The following STIM1 variants were observed in gnomAD, a reference collection of about 807,000 sequenced individuals.
STIM1 encodes stromal interaction molecule 1.
STIM1 carries 25 observed loss-of-function variants against 74.7 expected under a neutral mutation model. That is an observed-to-expected ratio of 0.33 (90% confidence interval 0.24 to 0.47). STIM1 has a LOEUF of 0.47. Ranked by LOEUF, STIM1 falls within the 20% of genes least tolerant of loss-of-function variation. STIM1 has a pLI of 1.00. For missense variants in STIM1, 728 were observed against 920.8 expected, an observed-to-expected ratio of 0.79 and a Z score of 2.71; for synonymous variants, 328 against 348.8, an observed-to-expected ratio of 0.94 and a Z score of 0.66.
At chr11:4,076,689 T>C (rs912213620) in intron 7 of STIM1, among the ~76,000 whole-genome samples, 1 of 151,622 alleles carries the variant, frequency 6.6e-6, no homozygotes, top group Admixed American at 6.6e-5. Context: ...CTTTGTTTTT[T>C]TTCCCCCAAG....
intron 12 of STIM1, among the ~76,000 whole-genome samples, chr11:4,089,362 CCTCAG>C (rs1299875737): frequency 1.3e-5 from 2 of 152,188 alleles, no homozygotes; most frequent in African/African-American, 4.8e-5. Flanking sequence ...ATCTTCACTT[CCTCAG>C]CTTAGAGGAC....
Position 3,912,226 on chromosome 11 carries a change from C to G in STIM1, c.140-55326C>G, listed in dbSNP as rs186663641. Among the ~76,000 whole-genome samples, 348 of 122,528 alleles carry G rather than the reference C, an allele frequency of 2.8e-3. 3 individuals carry two copies. The South Asian group carries it at 0.036, about 13-fold the overall frequency. The allele number at this position is 122,528 out of a possible 152,430, so 80.4% of individuals were successfully genotyped here. ...CCCTACCTTCTCCCCTCCCTTCTCCCCTCCCCTCCCTTATCCCCTCCCTTC... is the reference window on the plus strand; with the variant it reads ...CCCTACCTTCTCCCCTCCCTTCTCCGCTCCCCTCCCTTATCCCCTCCCTTC... On this transcript the variant is annotated intron_variant, in intron 1 of 12. Coordinates refer to ENST00000526596, the MANE Select transcript of STIM1 (RefSeq NM_001382567.1).
chr11:3,908,427 C>T (rs1229129937), intron 1 of STIM1, among the ~76,000 whole-genome samples: 1 of 151,874 alleles, frequency 6.6e-6, no homozygotes, highest in African/African-American at 2.4e-5. Context: ...CCTGGCTAAC[C>T]CGGTGAAACC....
rs2094523397 is a variant in STIM1 at position 4,091,322 on chromosome 11, A to G, written c.1675A>G (p.Ser559Gly). The G allele has an allele frequency of 6.2e-7, 1 of 1,614,084 alleles. No homozygotes were observed. ...HSDSESSLHM[S>G]DRQRVAPKPP... is the part of the protein sequence containing the mutation. Reference sequence around the variant, plus strand: ...CGATTCGGAGTCCTCCCTCCACATGAGTGACCGCCAGCGTGTGGCCCCCAA... The same window carrying G: ...CGATTCGGAGTCCTCCCTCCACATGGGTGACCGCCAGCGTGTGGCCCCCAA... Residue 559 changes from serine (S) to glycine (G), a missense_variant, in exon 13 of 13, where the codon AGT becomes GGT. Transcript: ENST00000526596.
intron 1 of STIM1, among the ~76,000 whole-genome samples, chr11:3,859,133 A>G (rs189048427): frequency 2.0e-5 from 3 of 152,274 alleles, no homozygotes; most frequent in African/African-American, 4.8e-5. Flanking sequence ...TTTTGGATGT[A>G]TATACCCATC....
intron 2 of STIM1, among the ~76,000 whole-genome samples, chr11:3,994,861 A>G (rs538397421): frequency 5.3e-5 from 8 of 152,096 alleles, no homozygotes; most frequent in African/African-American, 1.7e-4. Flanking sequence ...TTAGGATTGT[A>G]TAATCTCTAT....
intron 3 of STIM1, among the ~76,000 whole-genome samples, chr11:4,035,266 G>GTTTTTTTTTT (rs55788240): frequency 1.5e-5 from 2 of 136,616 alleles, no homozygotes. Flanking sequence ...GGTGTATTGT[G>GTTTTTTTTTT]TTTTTTTTTT....
intron 1 of STIM1, among the ~76,000 whole-genome samples, chr11:3,964,051 G>A (rs1590605847): frequency 6.6e-6 from 1 of 152,234 alleles, no homozygotes; most frequent in African/African-American, 2.4e-5. Flanking sequence ...TTTTTAAAAA[G>A]TCTGTGCAGC....
intron 1 of STIM1, among the ~76,000 whole-genome samples, chr11:3,938,775 A>AGGCAGAGGTTGCAGTGAGC (rs1356975706): frequency 6.6e-6 from 1 of 152,146 alleles, no homozygotes; most frequent in Non-Finnish European, 1.5e-5. Context: ...TGAACCCGGG[A>AGGCAGAGGTTGCAGTGAGC]GGCAGAGGTT....
At chr11:4,014,999 A>T (rs1179707788) in intron 2 of STIM1, among the ~76,000 whole-genome samples, 1 of 152,164 alleles carries the variant, frequency 6.6e-6, no homozygotes, top group Non-Finnish European at 1.5e-5. Flanking sequence ...TTGACTCTTT[A>T]TCCAATTTAC....
At chr11:4,001,782 A>G (rs1445598389) in intron 2 of STIM1, among the ~76,000 whole-genome samples, 11 of 148,682 alleles carry the variant, frequency 7.4e-5, no homozygotes. Flanking sequence ...ATTAAAAGAC[A>G]CAGACTGGCA....
At chr11:4,036,759 T>G (rs112146226) in intron 3 of STIM1, among the ~76,000 whole-genome samples, 1 of 152,204 alleles carries the variant, frequency 6.6e-6, no homozygotes, top group Admixed American at 6.5e-5. Flanking sequence ...ATATTAGACC[T>G]TTGTCAGATG....
rs764275626 is a variant in STIM1, at chr11:4,055,533, T to C, written c.393T>C (p.Asn131=). The change falls in exon 4 of 13, where the codon AAT becomes AAC. Residue 131 remains asparagine (N), a synonymous_variant. Transcript: ENST00000526596. ...WKAWKSSEVY[N]WTVDEVVQWL... ...GCTTGTCTCTTTTCACAGTATACAA[T>C]TGGACCGTGGATGAGGTGGTACAGT... 1.8e-5 allele frequency: 28 copies of C among 1,595,802 alleles called. No individual in the cohort carries two copies. In the Admixed American group the frequency reaches 3.8e-4, roughly 22 times the overall value.
chr11:4,082,792 G>A lies in STIM1; in HGVS notation c.1138-90G>A, dbSNP rs1172677356. On this transcript the variant is annotated intron_variant, in intron 8 of 12. Transcript: ENST00000526596. Reference sequence around the variant, plus strand: ...TGTACAGCCTCAGTTGTGCTAGGAGGAGTGGGCCCCAGCCATAGGGGAAGG... The same window carrying A: ...TGTACAGCCTCAGTTGTGCTAGGAGAAGTGGGCCCCAGCCATAGGGGAAGG... 9.0e-6 allele frequency: 9 copies of A among 1,004,362 alleles called. No individual in the cohort carries two copies. In the East Asian group the frequency reaches 2.2e-4, roughly 24 times the overall value. 62.2% of individuals were successfully genotyped at this position (1,004,362 alleles called of 1,614,324 possible).
chr11:4,014,840 A>G (rs1430217420), intron 2 of STIM1, among the ~76,000 whole-genome samples: 1 of 152,152 alleles, frequency 6.6e-6, no homozygotes, highest in Non-Finnish European at 1.5e-5. Context: ...TTGTTGGTTT[A>G]AAGTCTGTTT....
rs562269153 is a variant in STIM1, at chr11:3,979,265, T to C, written c.270+11583T>C. Among the ~76,000 whole-genome samples the C allele has an allele frequency of 3.9e-5, 6 of 152,238 alleles. No individual in the cohort carries two copies. In the East Asian group the frequency reaches 1.2e-3, roughly 29 times the overall value. ...CAGATAGCTGTAGACAACCCTTAAGTGTTCTGCCTCTAGTTTCTCCCGGAA... is the reference window on the plus strand; with the variant it reads ...CAGATAGCTGTAGACAACCCTTAAGCGTTCTGCCTCTAGTTTCTCCCGGAA... On this transcript the variant is annotated intron_variant, in intron 2 of 12. Coordinates refer to ENST00000526596, the MANE Select transcript of STIM1 (RefSeq NM_001382567.1).
chr11:4,036,119 T>A (rs2132956212), intron 3 of STIM1, among the ~76,000 whole-genome samples: 1 of 152,344 alleles, frequency 6.6e-6, no homozygotes, highest in East Asian at 1.9e-4. Context: ...TGGTTTTCCA[T>A]TCTTGCGTGA....
chr11:4,090,613 C>T (rs926768987), intron 12 of STIM1, among the ~76,000 whole-genome samples: 24 of 152,222 alleles, frequency 1.6e-4, no homozygotes, highest in African/African-American at 5.8e-4. Flanking sequence ...GTGCCCTGTT[C>T]CTTGGGGCCT....
At chr11:3,967,710 T>C (rs201859580) in intron 2 of STIM1, 28 bp downstream of exon 2, 2 of 1,613,938 alleles carry the variant, frequency 1.2e-6, no homozygotes. Flanking sequence ...GCTATGTCTC[T>C]CTTTTCTTCC....
Sources: allele counts gnomAD v4.1 joint callset (sites outside exome capture counted in the v4.1 genomes callset), GRCh38; gene constraint gnomAD v4.1.1; transcripts MANE v1.5; gene names NCBI Gene and HGNC (gene_info 2026-07-23, HGNC 2026-07-21).